MTARC1: variants seen among roughly 807,000 people sequenced by gnomAD.
MTARC1 encodes the protein mitochondrial amidoxime reducing component 1, also known as mitochondrial amidoxime-reducing component 1.
MTARC1 carries 24 observed loss-of-function variants against 33.6 expected under a neutral mutation model. That is an observed-to-expected ratio of 0.72 (90% CI 0.52 to 1.01). MTARC1 has a LOEUF of 1.01. Ranked by LOEUF, MTARC1 falls within the 50% of genes least tolerant of loss-of-function variation. The pLI, the probability that MTARC1 is intolerant of heterozygous loss-of-function variation, is 0.00. For missense variants in MTARC1, 417 were observed against 445.7 expected (o/e 0.94, Z 0.58); for synonymous variants, 187 against 189.5 (o/e 0.99, Z 0.11).
rs2102615941 is a variant in MTARC1, at chr1:220,816,420, C to T, written c.*3002C>T. On this transcript the variant is annotated 3_prime_UTR_variant, in exon 7 of 7. Coordinates refer to ENST00000366910, the MANE Select transcript of MTARC1 (RefSeq NM_022746.4). Reference sequence around the variant, plus strand: ...GTGTTGCTACCACACCCTAACACTGCATTTCCCGTGTTTTATTGGTCCATG... The same window carrying T: ...GTGTTGCTACCACACCCTAACACTGTATTTCCCGTGTTTTATTGGTCCATG... 6.6e-6 allele frequency: 1 copy of T among 152,368 alleles called. No homozygotes were observed. The highest frequency in any genetic ancestry group is 2.4e-5 in the African/African-American group (1 of 41,598). 9.4% of individuals were successfully genotyped at this position (152,368 alleles called of 1,614,324 possible).
At chr1:220,807,023 T>A (rs1672991234) in intron 6 of MTARC1, among the ~76,000 whole-genome samples, 1 of 152,124 alleles carries the variant, frequency 6.6e-6, no homozygotes, top group Non-Finnish European at 1.5e-5. Context: ...CCTAAGGGAA[T>A]CCCAACATTT....
intron 4 of MTARC1, 152 bp downstream of exon 4, chr1:220,798,166 T>G (rs976262958): frequency 1.3e-6 from 2 of 1,586,244 alleles, no homozygotes; most frequent in Middle Eastern, 1.7e-4. Flanking sequence ...ATTCAGCACT[T>G]AATAAGTGCA....
At chr1:220,807,160 GT>G (rs1672995532) in intron 6 of MTARC1, among the ~76,000 whole-genome samples, 1 of 152,084 alleles carries the variant, frequency 6.6e-6, no homozygotes, top group Non-Finnish European at 1.5e-5. Flanking sequence ...GCAAATAATG[GT>G]TTTTACTCTA....
rs369632879 is a variant in MTARC1, at chr1:220,791,562, C to T, written c.347C>T (p.Ser116Phe). 3 of 1,614,058 alleles carry T rather than the reference C, an allele frequency of 1.9e-6. No homozygotes were observed. The highest frequency in any genetic ancestry group is 2.7e-5 in the African/African-American group (2 of 74,906). Residue 116 changes from serine (S) to phenylalanine (F), a missense_variant, in exon 2 of 7, where the codon TCC becomes TTC. Transcript: ENST00000366910. ...ARQEPRLVLI[S>F]LTCDGDTLTL... ...CAGGAACCTCGCCTGGTCCTGATTT[C>T]CCTGACCTGCGATGGTGACACCCTG...
chr1:220,813,952 C>A lies in MTARC1; in HGVS notation c.*534C>A, dbSNP rs1673218939. On this transcript the variant is annotated 3_prime_UTR_variant, in exon 7 of 7. Coordinates refer to ENST00000366910, the MANE Select transcript of MTARC1 (RefSeq NM_022746.4). ...TGAAATGGCATAAAGACTGAGGTGA[C>A]CTTCAGGAAGCACTGCAGATATTAA... The A allele has an allele frequency of 6.3e-6, 1 of 157,990 alleles. No individual in the cohort carries two copies. The highest frequency in any genetic ancestry group is 1.4e-5 in the Non-Finnish European group (1 of 71,316). 9.8% of individuals were successfully genotyped at this position (157,990 alleles called of 1,614,324 possible).
chr1:220,803,965 A>G (rs1180278239), intron 4 of MTARC1, among the ~76,000 whole-genome samples: 1 of 152,188 alleles, frequency 6.6e-6, no homozygotes, highest in Non-Finnish European at 1.5e-5. Context: ...TATATCAAGA[A>G]TAACACACAC....
In MTARC1 at chr1:220,813,284, T is replaced by TAGGA. The variant is rs1420922180; in HGVS notation, c.888-7_888-6insGGAA. The TAGGA allele has an allele frequency of 6.2e-7, 1 of 1,614,060 alleles. No homozygotes were observed. Among genetic ancestry groups the TAGGA allele is most frequent in the South Asian group, 1.1e-5 (1 of 91,076 alleles). On this transcript the variant is annotated splice_polypyrimidine_tract_variant and splice_region_variant and intron_variant, in intron 6 of 6. Transcript: ENST00000366910. ...GCTGTGACTCATCATGATCTTTTCC[T>TAGGA]ATTGCAGTTATCGCCAGTGTGACCC...
At chr1:220,809,978 C>T (rs937071155) in intron 6 of MTARC1, among the ~76,000 whole-genome samples, 1 of 152,222 alleles carries the variant, frequency 6.6e-6, no homozygotes, top group African/African-American at 2.4e-5. Flanking sequence ...AAACAAGGAT[C>T]AGCCCTCTGT....
rs893809635 is a variant in MTARC1, at chr1:220,786,957, G to T, written c.13G>T (p.Gly5Cys). The T allele has an allele frequency of 4.0e-6, 5 of 1,242,492 alleles. No individual in the cohort carries two copies. Among genetic ancestry groups the T allele is most frequent in the Non-Finnish European group, 4.0e-6 (4 of 995,710 alleles). 77.0% of individuals were successfully genotyped at this position (1,242,492 alleles called of 1,614,324 possible). Residue 5 changes from glycine to cysteine, a missense_variant, in exon 1 of 7, where the codon GGC becomes TGC. Physicochemically the swap from Gly to Cys is radical, Grantham distance 159 (BLOSUM62 -3). Transcript: ENST00000366910. MGAA[G>C]SSALARFVLL... ...GGAGAAGCCAGCCATGGGCGCCGCC[G>T]GCTCCTCCGCGCTGGCGCGCTTTGT...
chr1:220,811,902 G>A (rs1262466651), intron 6 of MTARC1, among the ~76,000 whole-genome samples: 3 of 152,220 alleles, frequency 2.0e-5, no homozygotes, highest in Admixed American at 6.5e-5. Flanking sequence ...GGCATTGGGC[G>A]TGAGCAGTAC....
In MTARC1 at chr1:220,816,186, AT is replaced by A. The variant is rs1284929933; in HGVS notation, c.*2770del. On this transcript the variant is annotated 3_prime_UTR_variant, in exon 7 of 7. Coordinates refer to ENST00000366910, the MANE Select transcript of MTARC1 (RefSeq NM_022746.4). ...AAGAGTGCATGGGGAGGTTGGGTAA[AT>A]TAGACTAGCCAAATGGGACTTCGGG... 1 of 152,184 alleles carries A rather than the reference AT, an allele frequency of 6.6e-6. No homozygotes were observed. The highest frequency in any genetic ancestry group is 1.9e-4 in the East Asian group (1 of 5,196). 9.4% of individuals were successfully genotyped at this position (152,184 alleles called of 1,614,324 possible).
intron 4 of MTARC1, among the ~76,000 whole-genome samples, chr1:220,804,517 G>A (rs369015669): frequency 4.5e-4 from 69 of 152,226 alleles, no homozygotes; most frequent in Middle Eastern, 6.8e-3. Flanking sequence ...GCAGTGCTTC[G>A]TAAATACTTC....
At chr1:220,802,802 G>A (rs544112382) in intron 4 of MTARC1, among the ~76,000 whole-genome samples, 1 of 152,276 alleles carries the variant, frequency 6.6e-6, no homozygotes, top group South Asian at 2.1e-4. Context: ...CAGATCCTAC[G>A]TTTGTTACTT....
chr1:220,796,857 G>T (rs762112513), intron 3 of MTARC1, 52 bp downstream of exon 3: 12 of 1,529,490 alleles, frequency 7.8e-6, no homozygotes, highest in Non-Finnish European at 7.0e-6. Context: ...CCCAGATCAG[G>T]GGGCTCAGGT....
chr1:220,789,015 T>C (rs1672334873), intron 1 of MTARC1, among the ~76,000 whole-genome samples: 1 of 151,540 alleles, frequency 6.6e-6, no homozygotes, highest in African/African-American at 2.4e-5. Flanking sequence ...GAAAGTGTGA[T>C]CAAAAGAAGC....
At chr1:220,803,369 A>T (rs1672874050) in intron 4 of MTARC1, among the ~76,000 whole-genome samples, 1 of 152,212 alleles carries the variant, frequency 6.6e-6, no homozygotes, top group Admixed American at 6.5e-5. Context: ...GCTACAATTC[A>T]AGATGAGATT....
intron 1 of MTARC1, 146 bp downstream of exon 1, chr1:220,787,365 C>A: frequency 7.5e-7 from 1 of 1,328,918 alleles, no homozygotes; most frequent in Non-Finnish European, 9.7e-7. Flanking sequence ...GAGACAAGGC[C>A]AAAGAGAAAA....
intron 2 of MTARC1, among the ~76,000 whole-genome samples, chr1:220,792,240 A>G (rs1208706550): frequency 6.6e-6 from 1 of 152,196 alleles, no homozygotes; most frequent in Non-Finnish European, 1.5e-5. Flanking sequence ...GATGTAACCC[A>G]GGAGGATGTT....
rs137981879 is a variant in MTARC1, at chr1:220,799,594, C to T, written c.753+1580C>T. On this transcript the variant is annotated intron_variant, in intron 4 of 6. Coordinates refer to ENST00000366910, the MANE Select transcript of MTARC1 (RefSeq NM_022746.4). ...TCTTCTATGCCTCACGGCAGCCCAG[C>T]GGGATAAAGCTATCATTCCTATCTT... 4.4e-3 allele frequency among the ~76,000 whole-genome samples: 667 copies of T among 152,228 alleles called. 4 individuals carry two copies. Among genetic ancestry groups the T allele is most frequent in the Non-Finnish European group, 8.1e-3 (549 of 68,018 alleles).
Sources: gnomAD v4.1 joint callset for allele counts (sites outside exome capture counted in the v4.1 genomes callset) on GRCh38, gnomAD v4.1.1 for gene constraint, MANE v1.5 for transcripts, NCBI Gene and HGNC (gene_info 2026-07-23, HGNC 2026-07-21) for gene names.